The following NCAM1 variants were observed in gnomAD, a reference collection of about 807,000 sequenced individuals.
NCAM1 encodes neural cell adhesion molecule 1, also known as antigen recognized by monoclonal antibody 5.1H11.
NCAM1 carries 14 observed loss-of-function variants against 109.8 expected under a neutral mutation model. The observed-to-expected ratio is 0.13, with a 90% CI of 0.08 to 0.20. NCAM1 has a LOEUF of 0.20. Ranked by LOEUF, NCAM1 falls within the 10% of genes least tolerant of loss-of-function variation. The probability of loss-of-function intolerance (pLI) is 1.00; values close to 1 mark genes in which losing one functional copy is unlikely to be tolerated. For missense variants in NCAM1, 774 were observed against 1,109.9 expected, an observed-to-expected ratio of 0.70 and a Z score of 4.30; for synonymous variants, 418 against 442.9, an observed-to-expected ratio of 0.94 and a Z score of 0.70.
At position 113,277,904 on chromosome 11, in the gene NCAM1, G is replaced by GA. The variant is rs1555126989; in HGVS notation, c.*2518dup. 1 of 140,986 alleles carries GA rather than the reference G, an allele frequency of 7.1e-6. No homozygotes were observed. The highest frequency in any genetic ancestry group is 1.5e-5 in the Non-Finnish European group (1 of 65,538). The allele number at this position is 140,986 out of a possible 1,614,324, so 8.7% of individuals were successfully genotyped here. A position where few individuals can be genotyped will look rare whatever the true frequency, so the allele number is the denominator to read the frequency against. ...AATGCTTTCTCTAAAATCAAAGAGG[G>GA]AGTCATTTTATTCCAAGATGTTTTA... On this transcript the variant is annotated 3_prime_UTR_variant, in exon 20 of 20. Coordinates refer to ENST00000316851, the MANE Select transcript of NCAM1 (RefSeq NM_181351.5).
chr11:113,034,525 G>T (rs1952808257), intron 1 of NCAM1, among the ~76,000 whole-genome samples: 1 of 152,120 alleles, frequency 6.6e-6, no homozygotes, highest in African/African-American at 2.4e-5. Context: ...AATTGCTTAT[G>T]AGGTCTTGTG....
chr11:113,256,442 T>G (rs1322156702), intron 16 of NCAM1, among the ~76,000 whole-genome samples: 1 of 152,192 alleles, frequency 6.6e-6, no homozygotes, highest in East Asian at 1.9e-4. Context: ...GTCTTACCAT[T>G]ATCCCCTCTT....
At chr11:113,007,641 C>A (rs1951923679) in intron 1 of NCAM1, among the ~76,000 whole-genome samples, 1 of 152,168 alleles carries the variant, frequency 6.6e-6, no homozygotes, top group African/African-American at 2.4e-5. Context: ...TACTCAGAGC[C>A]ACACAGTGGT....
At chr11:113,159,456 T>A (rs1245123) in intron 1 of NCAM1, among the ~76,000 whole-genome samples, 10,528 of 152,218 alleles carry the variant, frequency 0.069, 738 homozygotes, top group African/African-American at 0.17. Context: ...TCAGTTCACC[T>A]GTCTCCCTCA....
intron 1 of NCAM1, among the ~76,000 whole-genome samples, chr11:113,041,964 A>T (rs1218093037): frequency 1.3e-5 from 2 of 152,128 alleles, no homozygotes; most frequent in Non-Finnish European, 2.9e-5. Flanking sequence ...CTTTCTCTTA[A>T]TTCGCTTTCT....
intron 1 of NCAM1, among the ~76,000 whole-genome samples, chr11:112,979,117 G>C (rs1951082493): frequency 6.6e-6 from 1 of 151,540 alleles, no homozygotes; most frequent in South Asian, 2.1e-4. Context: ...TATGTAGAGT[G>C]GTCCATAGAC....
chr11:112,985,325 G>A (rs1239245758), intron 1 of NCAM1, among the ~76,000 whole-genome samples: 3 of 151,102 alleles, frequency 2.0e-5, no homozygotes, highest in Non-Finnish European at 4.4e-5. Flanking sequence ...AATCAGATAG[G>A]GTGATGCCTT....
rs1163928113 is a variant in NCAM1 at position 113,056,015 on chromosome 11, AT to A, written c.52+94352del. Among the ~76,000 whole-genome samples the A allele has an allele frequency of 6.6e-5, 8 of 121,852 alleles. 1 individual carries two copies. Among genetic ancestry groups the A allele is most frequent in the African/African-American group, 2.4e-4 (8 of 33,398 alleles). The allele number at this position is 121,852 out of a possible 152,430, so 79.9% of individuals were successfully genotyped here. A position where few individuals can be genotyped will look rare whatever the true frequency, so the allele number is the denominator to read the frequency against. On this transcript the variant is annotated intron_variant, in intron 1 of 19. Transcript: ENST00000316851. ...TATATATATATATATATATATATAT[AT>A]ATATATATAAAATATATATATTATA...
intron 15 of NCAM1, among the ~76,000 whole-genome samples, chr11:113,248,910 C>T (rs1945578641): frequency 6.6e-6 from 1 of 152,262 alleles, no homozygotes; most frequent in Non-Finnish European, 1.5e-5. Context: ...AACTTTGATT[C>T]TAAGGTCATG....
chr11:112,999,825 G>A (rs1951694612), intron 1 of NCAM1, among the ~76,000 whole-genome samples: 1 of 152,178 alleles, frequency 6.6e-6, no homozygotes, highest in South Asian at 2.1e-4. Context: ...GTAGAATGAA[G>A]TGTATGTTGA....
At chr11:113,073,488 T>C (rs368782865) in intron 1 of NCAM1, among the ~76,000 whole-genome samples, 3 of 152,178 alleles carry the variant, frequency 2.0e-5, no homozygotes, top group African/African-American at 7.2e-5. Flanking sequence ...CCTTCATACC[T>C]CTCTGGCAGC....
At chr11:113,045,870 TCTAA>T (rs1435810911) in intron 1 of NCAM1, among the ~76,000 whole-genome samples, 1 of 152,168 alleles carries the variant, frequency 6.6e-6, no homozygotes, top group Non-Finnish European at 1.5e-5. Context: ...AAATTGGCTT[TCTAA>T]CTGTGTTACA....
intron 1 of NCAM1, among the ~76,000 whole-genome samples, chr11:112,978,060 C>T (rs12280512): frequency 0.01 from 1,525 of 151,812 alleles, 26 homozygotes; most frequent in African/African-American, 0.034. Context: ...GGATCCTGAA[C>T]GTTGGGGTGA....
At chr11:113,019,952 T>C (rs1245143829) in intron 1 of NCAM1, among the ~76,000 whole-genome samples, 1 of 152,198 alleles carries the variant, frequency 6.6e-6, no homozygotes, top group Non-Finnish European at 1.5e-5. Flanking sequence ...ATTTCTGAAA[T>C]TGTATAATAA....
At chr11:113,022,924 C>G (rs1365545504) in intron 1 of NCAM1, among the ~76,000 whole-genome samples, 2 of 152,132 alleles carry the variant, frequency 1.3e-5, no homozygotes, top group Non-Finnish European at 2.9e-5. Context: ...TCTTTTCTTC[C>G]CTATGAGGAA....
At chr11:113,184,554 G>A (rs1943434694) in intron 1 of NCAM1, among the ~76,000 whole-genome samples, 1 of 152,156 alleles carries the variant, frequency 6.6e-6, no homozygotes, top group Non-Finnish European at 1.5e-5. Flanking sequence ...ATTTTAGGAA[G>A]GCAGTGTCTG....
At chr11:113,205,231 C>T (rs1944201561) in intron 3 of NCAM1, among the ~76,000 whole-genome samples, 1 of 152,156 alleles carries the variant, frequency 6.6e-6, no homozygotes, top group Non-Finnish European at 1.5e-5. Context: ...CTGGCATCAT[C>T]CTGCATGACA....
chr11:113,184,844 T>C (rs1175129530), intron 1 of NCAM1, among the ~76,000 whole-genome samples: 1 of 152,100 alleles, frequency 6.6e-6, no homozygotes, highest in Admixed American at 6.6e-5. Context: ...AACTGTGTGC[T>C]AAGGGCAGTG....
intron 1 of NCAM1, among the ~76,000 whole-genome samples, chr11:113,016,504 A>G (rs921383643): frequency 2.6e-5 from 4 of 152,218 alleles, no homozygotes; most frequent in Admixed American, 2.6e-4. Flanking sequence ...AGGGTTCTGT[A>G]TAGTGGCTTA....
Sources: allele counts gnomAD v4.1 joint callset (sites outside exome capture counted in the v4.1 genomes callset), GRCh38; gene constraint gnomAD v4.1.1; transcripts MANE v1.5; gene names NCBI Gene and HGNC (gene_info 2026-07-23, HGNC 2026-07-21).